The following MACC1 variants were observed in gnomAD, a reference collection of about 807,000 sequenced individuals.
MACC1 encodes the protein MET transcriptional regulator MACC1.
In MACC1, 79 loss-of-function variants were observed where a neutral mutation model predicts 70.7. That is an observed-to-expected ratio of 1.12 (90% confidence interval 0.93 to 1.35). The LOEUF is 1.35. Among genes scored for constraint, MACC1 ranks in the 40% most tolerant of loss-of-function variants. The pLI is 0.00. For synonymous variants in MACC1, 361 were observed against 347.2 expected (o/e 1.04, Z -0.44); for missense variants, 1,106 against 978.1 (o/e 1.13, Z -1.74).
chr7:20,140,874 G>GACAC lies in MACC1; in HGVS notation c.*68_*71dup. ...ACACAGACACACAGAGACACACACAGACACACACAGACACACACACACACA... is the reference window on the plus strand; with the variant it reads ...ACACAGACACACAGAGACACACACAGACACACACACACAGACACACACACACACA... On this transcript the variant is annotated 3_prime_UTR_variant, in exon 7 of 7. Coordinates refer to ENST00000400331, the MANE Select transcript of MACC1 (RefSeq NM_182762.4). 9.5e-7 allele frequency: 1 copy of GACAC among 1,051,702 alleles called. No individual in the cohort carries two copies. The highest frequency in any genetic ancestry group is 1.4e-6 in the Non-Finnish European group (1 of 735,042). 65.1% of individuals were successfully genotyped at this position (1,051,702 alleles called of 1,614,324 possible).
At position 20,139,552 on chromosome 7, in the gene MACC1, T is replaced by C. The variant is rs1447146118; in HGVS notation, c.*1394A>G. The C allele has an allele frequency of 6.6e-6, 1 of 152,102 alleles. No homozygotes were observed. Among genetic ancestry groups the C allele is most frequent in the Non-Finnish European group, 1.5e-5 (1 of 68,012 alleles). 9.4% of individuals were successfully genotyped at this position (152,102 alleles called of 1,614,324 possible). Reference sequence around the variant, plus strand: ...TTACTTAGCACTACTAAAGTCAGAGTTCATGCTGGTTTTTTCCCATTAGCC... The same window carrying C: ...TTACTTAGCACTACTAAAGTCAGAGCTCATGCTGGTTTTTTCCCATTAGCC... On this transcript the variant is annotated 3_prime_UTR_variant, in exon 7 of 7. Transcript: ENST00000400331.
chr7:20,209,037 G>T lies in MACC1; in HGVS notation c.-218+8262C>A, dbSNP rs572577124. Among the ~76,000 whole-genome samples, 4 of 152,348 alleles carry T rather than the reference G, an allele frequency of 2.6e-5. No homozygotes were observed. The South Asian group carries it at 8.3e-4, about 32-fold the overall frequency. ...GCAGAGGTCAAGAATTGAGGTTGGG[G>T]TACCTCTGCCTAGATTTTAAAGGAT... On this transcript the variant is annotated intron_variant, in intron 1 of 6. Coordinates refer to ENST00000400331, the MANE Select transcript of MACC1 (RefSeq NM_182762.4).
chr7:20,216,670 A>G (rs906882767), intron 1 of MACC1, among the ~76,000 whole-genome samples: 4 of 152,084 alleles, frequency 2.6e-5, no homozygotes, highest in Non-Finnish European at 5.9e-5. Context: ...AAGCCAAGTT[A>G]CCCTCCATCA....
chr7:20,173,003 C>T (rs983268452), intron 1 of MACC1, among the ~76,000 whole-genome samples: 24 of 152,186 alleles, frequency 1.6e-4, no homozygotes, highest in Admixed American at 8.5e-4. Context: ...TTTCTACCTC[C>T]TTATCATTTT....
intron 6 of MACC1, among the ~76,000 whole-genome samples, chr7:20,147,242 A>G (rs1781905943): frequency 6.6e-6 from 1 of 152,242 alleles, no homozygotes. Context: ...TAGAAAATGC[A>G]CTAGAAAATG....
chr7:20,137,690 T>C lies in MACC1; in HGVS notation c.*3256A>G, dbSNP rs952745365. ...GGTATATAAGTGCCTTATTATTTCA[T>C]TGACTTACTGCCAAATATTGAAGGC... is the stretch of plus-strand genomic sequence containing the variant. On this transcript the variant is annotated 3_prime_UTR_variant, in exon 7 of 7. Transcript: ENST00000400331. The C allele has an allele frequency of 3.3e-5, 5 of 152,220 alleles. No individual in the cohort carries two copies. The highest frequency in any genetic ancestry group is 7.3e-5 in the Non-Finnish European group (5 of 68,038). The allele number at this position is 152,220 out of a possible 1,614,324, so 9.4% of individuals were successfully genotyped here.
In MACC1 at chr7:20,138,724, G is replaced by A. The variant is rs983806675; in HGVS notation, c.*2222C>T. On this transcript the variant is annotated 3_prime_UTR_variant, in exon 7 of 7. Transcript: ENST00000400331. ...GAGACAGCCTGTCACCCAGGCTGGA[G>A]TGCAGTGGCATGAACTCGGCTCACT... is the stretch of plus-strand genomic sequence containing the variant. 1.3e-5 allele frequency: 2 copies of A among 151,294 alleles called. No homozygotes were observed. The highest frequency in any genetic ancestry group is 4.9e-5 in the African/African-American group (2 of 41,056). The allele number at this position is 151,294 out of a possible 1,614,324, so 9.4% of individuals were successfully genotyped here. A position where few individuals can be genotyped will look rare whatever the true frequency, so the allele number is the denominator to read the frequency against.
In MACC1 at chr7:20,136,964, TTATAA is replaced by T. The variant is rs1160682093; in HGVS notation, c.*3977_*3981del. The T allele has an allele frequency of 6.7e-6, 1 of 148,660 alleles. No homozygotes were observed. Among genetic ancestry groups the T allele is most frequent in the Non-Finnish European group, 1.5e-5 (1 of 67,276 alleles). 9.2% of individuals were successfully genotyped at this position (148,660 alleles called of 1,614,324 possible). ...ATTATTAATTCTTAAAGATTATGAA[TTATAA>T]TATTAAATTATAATTAATTCTTAAA... On this transcript the variant is annotated 3_prime_UTR_variant, in exon 7 of 7. Transcript: ENST00000400331.
intron 1 of MACC1, among the ~76,000 whole-genome samples, chr7:20,172,610 G>T: frequency 6.6e-6 from 1 of 152,074 alleles, no homozygotes; most frequent in Admixed American, 6.5e-5. Flanking sequence ...AGTGGAAACA[G>T]AATAAAATAC....
intron 1 of MACC1, among the ~76,000 whole-genome samples, chr7:20,180,391 C>T (rs1368683679): frequency 2.7e-5 from 4 of 149,624 alleles, no homozygotes; most frequent in African/African-American, 7.4e-5. Flanking sequence ...TGCAGTGAGC[C>T]GAGATTGCGC....
At chr7:20,187,519 A>G (rs1210698079) in intron 1 of MACC1, among the ~76,000 whole-genome samples, 1 of 152,178 alleles carries the variant, frequency 6.6e-6, no homozygotes, top group East Asian at 1.9e-4. Context: ...AACTCCAAGG[A>G]CAGTCAGAGT....
intron 1 of MACC1, among the ~76,000 whole-genome samples, chr7:20,196,871 C>G (rs1044057428): frequency 2.6e-5 from 4 of 152,166 alleles, no homozygotes; most frequent in Admixed American, 6.5e-5. Context: ...AACTTCACCT[C>G]GCAGCCACTC....
chr7:20,173,101 C>A (rs192330007), intron 1 of MACC1, among the ~76,000 whole-genome samples: 1 of 152,100 alleles, frequency 6.6e-6, no homozygotes, highest in East Asian at 1.9e-4. Flanking sequence ...AATACAGATG[C>A]CCAGAAATCA....
chr7:20,158,198 A>C lies in MACC1; in HGVS notation c.2157+6T>G, dbSNP rs778014392. 3.9e-6 allele frequency: 6 copies of C among 1,555,812 alleles called. No homozygotes were observed. In the East Asian group the frequency reaches 1.1e-4, roughly 29 times the overall value. ...CAATTCATTACCATGATCAAGCAAT[A>C]CTCACCACAATAAGTTCATACAGAA... On this transcript the variant is annotated splice_donor_region_variant and intron_variant, in intron 5 of 6. Coordinates refer to ENST00000400331, the MANE Select transcript of MACC1 (RefSeq NM_182762.4).
Position 20,137,989 on chromosome 7 carries a change from C to T in MACC1, c.*2957G>A, listed in dbSNP as rs1199920301. On this transcript the variant is annotated 3_prime_UTR_variant, in exon 7 of 7. Coordinates refer to ENST00000400331, the MANE Select transcript of MACC1 (RefSeq NM_182762.4). ...CCAAAATGGTAAAACCTTGTCTCCA[C>T]TAAAAATACAAAAATTACCCGGACA... 3 of 151,572 alleles carry T rather than the reference C, an allele frequency of 2.0e-5. No individual in the cohort carries two copies. Among genetic ancestry groups the T allele is most frequent in the African/African-American group, 7.3e-5 (3 of 41,252 alleles). 9.4% of individuals were successfully genotyped at this position (151,572 alleles called of 1,614,324 possible).
intron 1 of MACC1, among the ~76,000 whole-genome samples, chr7:20,187,084 C>T (rs1782600431): frequency 6.6e-6 from 1 of 152,012 alleles, no homozygotes; most frequent in Admixed American, 6.6e-5. Context: ...GGGATGTAAC[C>T]CAAGCATAAG....
rs774128393 is a variant in MACC1, at chr7:20,160,182, G to C, written c.179C>G (p.Ala60Gly). Residue 60 changes from alanine to glycine, a missense_variant, in exon 5 of 7, where the codon GCT (alanine) becomes GGT (glycine). Ala to Gly is a moderately conservative substitution (Grantham distance 60, BLOSUM62 0). Coordinates refer to ENST00000400331, the MANE Select transcript of MACC1 (RefSeq NM_182762.4). ...PDAFTLRGNN[A>G]SKVANPFWNQ... ...CCAGAATGGATTTGCAACTTTGGAA[G>C]CATTATTACCACGAAGGGTGAAAGC... is the stretch of plus-strand genomic sequence containing the variant. 6.2e-7 allele frequency: 1 copy of C among 1,607,860 alleles called. No individual in the cohort carries two copies. The highest frequency in any genetic ancestry group is 1.1e-5 in the South Asian group (1 of 89,212).
rs911265369 is a variant in MACC1 at position 20,139,718 on chromosome 7, C to T, written c.*1228G>A. The T allele has an allele frequency of 6.6e-6, 1 of 152,090 alleles. No individual in the cohort carries two copies. Among genetic ancestry groups the T allele is most frequent in the Non-Finnish European group, 1.5e-5 (1 of 68,008 alleles). 9.4% of individuals were successfully genotyped at this position (152,090 alleles called of 1,614,324 possible). A position where few individuals can be genotyped will look rare whatever the true frequency, so the allele number is the denominator to read the frequency against. On this transcript the variant is annotated 3_prime_UTR_variant, in exon 7 of 7. Transcript: ENST00000400331. The stretch of plus-strand genomic sequence containing the variant: ...ATTGAACAGAGGAGTAAGCAAAATA[C>T]ATCTCTTTGTGAACTTTGTCAGCCA...
At chr7:20,202,449 T>C (rs1391395811) in intron 1 of MACC1, among the ~76,000 whole-genome samples, 1 of 152,212 alleles carries the variant, frequency 6.6e-6, no homozygotes, top group Non-Finnish European at 1.5e-5. Flanking sequence ...CTTGCCTTGA[T>C]AATCAATCAA....
Sources: gnomAD v4.1 joint callset for allele counts (sites outside exome capture counted in the v4.1 genomes callset) on GRCh38, gnomAD v4.1.1 for gene constraint, MANE v1.5 for transcripts, NCBI Gene and HGNC (gene_info 2026-07-23, HGNC 2026-07-21) for gene names.